The following SMC1B variants were observed in gnomAD, a reference collection of about 807,000 sequenced individuals.
SMC1B encodes the protein structural maintenance of chromosomes 1B, also known as structural maintenance of chromosomes protein 1B.
Under a neutral mutation model 157.9 loss-of-function variants are expected in SMC1B, and 60 were observed. The ratio of observed to expected loss-of-function variants is 0.38; its 90% CI spans 0.31 to 0.47. The LOEUF (loss-of-function observed/expected upper bound fraction) is 0.47. SMC1B is among the 20% of genes least tolerant of loss of function. The pLI is 0.99. For missense variants in SMC1B, 1,165 were observed against 1,426.2 expected, an observed-to-expected ratio of 0.82 and a Z score of 2.95; for synonymous variants, 445 against 483.0, an observed-to-expected ratio of 0.92 and a Z score of 1.03.
In SMC1B at chr22:45,402,274, T is replaced by C. The variant is rs563205114; in HGVS notation, c.854+59A>G. 26 of 1,094,808 alleles carry C rather than the reference T, an allele frequency of 2.4e-5. No homozygotes were observed. The Admixed American group carries it at 3.8e-4, about 16-fold the overall frequency. The allele number at this position is 1,094,808 out of a possible 1,614,324, so 67.8% of individuals were successfully genotyped here. ...TCAATTTTCAAAGTGTCACTTATAT[T>C]ATTCCCTCTATCAAGCTACATATAA... On this transcript the variant is annotated intron_variant, in intron 5 of 24. Coordinates refer to ENST00000357450, the MANE Select transcript of SMC1B (RefSeq NM_148674.5).
intron 5 of SMC1B, among the ~76,000 whole-genome samples, chr22:45,400,082 T>C (rs2087174915): frequency 6.6e-6 from 1 of 152,228 alleles, no homozygotes; most frequent in African/African-American, 2.4e-5. Flanking sequence ...TGAAAATATT[T>C]ATAGCTATGT....
chr22:45,352,422 T>C (rs188662357), intron 22 of SMC1B, 29 bp downstream of exon 22: 194 of 1,597,988 alleles, frequency 1.2e-4, no homozygotes, highest in Admixed American at 1.9e-4. Flanking sequence ...TGCCCTGATA[T>C]GAAAACTGAA....
chr22:45,348,885 G>A (rs905290021), intron 23 of SMC1B, among the ~76,000 whole-genome samples: 2 of 151,758 alleles, frequency 1.3e-5, no homozygotes, highest in East Asian at 1.9e-4. Flanking sequence ...TAAATTTTTT[G>A]TAGGGACAAG....
chr22:45,358,681 G>C lies in SMC1B; in HGVS notation c.2961+16C>G, dbSNP rs2086692343. The C allele has an allele frequency of 6.7e-7, 1 of 1,491,650 alleles. No homozygotes were observed. Among genetic ancestry groups the C allele is most frequent in the Non-Finnish European group, 9.3e-7 (1 of 1,077,114 alleles). 92.4% of individuals were successfully genotyped at this position (1,491,650 alleles called of 1,614,324 possible). A position where few individuals can be genotyped will look rare whatever the true frequency, so the allele number is the denominator to read the frequency against. ...GTATTACTGTGAGTGATAAACAACAGAAAGCTTTCCATTACCTTCAAATCC... is the reference window on the plus strand; with the variant it reads ...GTATTACTGTGAGTGATAAACAACACAAAGCTTTCCATTACCTTCAAATCC... On this transcript the variant is annotated intron_variant, in intron 19 of 24. Coordinates refer to ENST00000357450, the MANE Select transcript of SMC1B (RefSeq NM_148674.5).
At chr22:45,361,388 A>T (rs2086720184) in intron 17 of SMC1B, among the ~76,000 whole-genome samples, 1 of 152,168 alleles carries the variant, frequency 6.6e-6, no homozygotes, top group Non-Finnish European at 1.5e-5. Flanking sequence ...TGAGTCGAGC[A>T]GATCACTTAA....
chr22:45,348,905 T>C (rs2086579786), intron 23 of SMC1B, among the ~76,000 whole-genome samples: 1 of 152,064 alleles, frequency 6.6e-6, no homozygotes, highest in Non-Finnish European at 1.5e-5. Flanking sequence ...GGTCTCCTTA[T>C]GTTGCCCAGG....
chr22:45,401,388 C>T (rs528402127), intron 5 of SMC1B, among the ~76,000 whole-genome samples: 6 of 152,274 alleles, frequency 3.9e-5, no homozygotes, highest in Admixed American at 2.6e-4. Flanking sequence ...GAGTGAATGC[C>T]GGCAGCTGAG....
Position 45,396,441 on chromosome 22 carries a change from C to A in SMC1B, c.1159G>T (p.Ala387Ser), listed in dbSNP as rs377362888. Residue 387 changes from alanine to serine, a missense_variant, in exon 7 of 25, where the codon GCT becomes TCT. Ala to Ser is a moderately conservative substitution (Grantham distance 99, BLOSUM62 1). Transcript: ENST00000357450. ...ELKEQVRKKV[A>S]TMTQQLEKLQ... ...TTTTCCAGTTGTTGAGTCATTGTAG[C>A]TACTTTCTTTCTTACTTGTTCCTTA... 23 of 1,613,220 alleles carry A rather than the reference C, an allele frequency of 1.4e-5. No homozygotes were observed. The African/African-American group carries it at 3.1e-4, about 22-fold the overall frequency.
chr22:45,401,722 T>A (rs117356469), intron 5 of SMC1B, among the ~76,000 whole-genome samples: 1 of 152,242 alleles, frequency 6.6e-6, no homozygotes, highest in Non-Finnish European at 1.5e-5. Flanking sequence ...GAAGACCCAA[T>A]TGGGAGCCCC....
At chr22:45,377,434 C>A (rs182168746) in intron 12 of SMC1B, among the ~76,000 whole-genome samples, 1 of 151,874 alleles carries the variant, frequency 6.6e-6, no homozygotes, top group East Asian at 1.9e-4. Context: ...GTCAGGAGTT[C>A]CAGACCAGCC....
At chr22:45,411,704 A>C (rs2087336046) in intron 1 of SMC1B, among the ~76,000 whole-genome samples, 1 of 152,006 alleles carries the variant, frequency 6.6e-6, no homozygotes, top group Non-Finnish European at 1.5e-5. Flanking sequence ...CTCCTGCCTC[A>C]GTCCCCTGAG....
Position 45,413,574 on chromosome 22 carries a change from G to C in SMC1B, c.-7C>G, listed in dbSNP as rs530349601. The stretch of plus-strand genomic sequence containing the variant: ...GCAGCTCCAGGTGGGCCATGGCGCC[G>C]CCCTCCACGCCTCACCCGCGTTATC... On this transcript the variant is annotated 5_prime_UTR_variant, in exon 1 of 25. Transcript: ENST00000357450. The C allele has an allele frequency of 6.3e-7, 1 of 1,592,514 alleles. No homozygotes were observed. Among genetic ancestry groups the C allele is most frequent in the Non-Finnish European group, 8.6e-7 (1 of 1,169,228 alleles).
At position 45,408,904 on chromosome 22, in the gene SMC1B, G is replaced by A. The variant is rs756918239; in HGVS notation, c.110-6C>T. ...ATCCATTACATTAGATTTTCCTGGG[G>A]AAGAAAAGAGATAAAACATTATTCA... is the stretch of plus-strand genomic sequence containing the variant. On this transcript the variant is annotated splice_polypyrimidine_tract_variant and splice_region_variant and intron_variant, in intron 1 of 24. Coordinates refer to ENST00000357450, the MANE Select transcript of SMC1B (RefSeq NM_148674.5). The A allele has an allele frequency of 4.1e-6, 6 of 1,455,584 alleles. No individual in the cohort carries two copies. The highest frequency in any genetic ancestry group is 5.5e-6 in the Non-Finnish European group (6 of 1,093,170). 90.2% of individuals were successfully genotyped at this position (1,455,584 alleles called of 1,614,324 possible).
rs763199772 is a variant in SMC1B, at chr22:45,372,980, TG to T, written c.2059-689del. On this transcript the variant is annotated intron_variant, in intron 12 of 24. Transcript: ENST00000357450. ...CACCCACCTCAGCCTCCCACAGTGC[TG>T]GGATTACAGGCGTGAGCCACCGCAC... is the stretch of plus-strand genomic sequence containing the variant. Among the ~76,000 whole-genome samples, 41 of 152,214 alleles carry T rather than the reference TG, an allele frequency of 2.7e-4. 1 individual carries two copies. In the Middle Eastern group the frequency reaches 0.01, roughly 38 times the overall value.
intron 4 of SMC1B, 48 bp downstream of exon 4, chr22:45,406,412 A>G: frequency 1.3e-6 from 2 of 1,514,866 alleles, no homozygotes; most frequent in Non-Finnish European, 1.8e-6. Context: ...TCTAACATAG[A>G]AAGTTTTATA....
chr22:45,407,699 G>A (rs2087279124), intron 2 of SMC1B, among the ~76,000 whole-genome samples: 3 of 152,072 alleles, frequency 2.0e-5, no homozygotes, highest in Admixed American at 2.0e-4. Context: ...TCGTCCTGCT[G>A]TGGCCTCCCA....
chr22:45,357,613 A>G (rs547060607), intron 19 of SMC1B, among the ~76,000 whole-genome samples: 1 of 131,456 alleles, frequency 7.6e-6, no homozygotes, highest in South Asian at 2.3e-4. Flanking sequence ...TTTCTCAAAA[A>G]GTAACCACAG....
In SMC1B at chr22:45,349,878, C is replaced by G. The variant is rs979287356; in HGVS notation, c.3426-81G>C. 7.3e-6 allele frequency: 8 copies of G among 1,097,964 alleles called. No homozygotes were observed. The African/African-American group carries it at 1.1e-4, about 15-fold the overall frequency. 68.0% of individuals were successfully genotyped at this position (1,097,964 alleles called of 1,614,324 possible). Reference sequence around the variant, plus strand: ...CTTGGAGGAAAAGATTAACAGTATTCAGAATAAATAAAACACATTCTTTTG... The same window carrying G: ...CTTGGAGGAAAAGATTAACAGTATTGAGAATAAATAAAACACATTCTTTTG... On this transcript the variant is annotated intron_variant, in intron 22 of 24. Transcript: ENST00000357450.
intron 1 of SMC1B, among the ~76,000 whole-genome samples, chr22:45,412,302 G>A (rs2087348218): frequency 6.6e-6 from 1 of 151,932 alleles, no homozygotes; most frequent in Admixed American, 6.6e-5. Flanking sequence ...CCGGGTTCAA[G>A]CGATTCTCCT....
Sources: gnomAD v4.1 joint callset for allele counts (sites outside exome capture counted in the v4.1 genomes callset) on GRCh38, gnomAD v4.1.1 for gene constraint, MANE v1.5 for transcripts, NCBI Gene and HGNC (gene_info 2026-07-23, HGNC 2026-07-21) for gene names.